Variants in ADGRB3 observed in about 807,000 individuals in gnomAD.
ADGRB3 encodes brain-specific angiogenesis inhibitor 3.
In ADGRB3, 37 loss-of-function variants were observed where a neutral mutation model predicts 193.4. That is an observed-to-expected ratio of 0.19 (90% CI 0.15 to 0.25). The LOEUF is 0.25. ADGRB3 is among the 10% of genes least tolerant of loss of function. The pLI is 1.00. For missense variants in ADGRB3, 1,637 were observed against 1,852.9 expected (o/e 0.88, Z 2.14); for synonymous variants, 690 against 644.2 (o/e 1.07, Z -1.08).
At chr6:68,754,695 T>C (rs768942505) in intron 3 of ADGRB3, among the ~76,000 whole-genome samples, 1 of 151,622 alleles carries the variant, frequency 6.6e-6, no homozygotes, top group Non-Finnish European at 1.5e-5. Flanking sequence ...CTCCATTTAA[T>C]ATGTGCTTAC....
At chr6:69,263,303 A>G (rs539661729) in intron 20 of ADGRB3, among the ~76,000 whole-genome samples, 1 of 152,190 alleles carries the variant, frequency 6.6e-6, no homozygotes, top group South Asian at 2.1e-4. Context: ...TTCATATACT[A>G]TATTTCAGAT....
At chr6:68,840,107 A>C (rs1213033293) in intron 3 of ADGRB3, among the ~76,000 whole-genome samples, 1 of 152,148 alleles carries the variant, frequency 6.6e-6, no homozygotes, top group African/African-American at 2.4e-5. Context: ...GGGATTCTAA[A>C]TAAAATTGAA....
intron 17 of ADGRB3, among the ~76,000 whole-genome samples, chr6:69,202,665 T>G (rs1302939756): frequency 1.3e-5 from 2 of 152,242 alleles, no homozygotes; most frequent in East Asian, 3.9e-4. Flanking sequence ...CCACAGATAG[T>G]TGAGGGTTGA....
intron 3 of ADGRB3, among the ~76,000 whole-genome samples, chr6:68,895,461 T>C (rs1413411025): frequency 9.2e-5 from 14 of 152,040 alleles, no homozygotes; most frequent in African/African-American, 2.7e-4. Context: ...CAAATCTGTT[T>C]GTGCACTATT....
At chr6:69,232,471 C>A in intron 17 of ADGRB3, 1 of 1,531,768 alleles carries the variant, frequency 6.5e-7, no homozygotes. Flanking sequence ...TTCCCTACTC[C>A]TACTGGACTT....
At chr6:69,293,032 C>T (rs149198840) in intron 20 of ADGRB3, among the ~76,000 whole-genome samples, 66 of 152,278 alleles carry the variant, frequency 4.3e-4, no homozygotes, top group African/African-American at 1.5e-3. Flanking sequence ...GGCAGCTCCC[C>T]ACCATGGGTC....
Position 68,815,638 on chromosome 6 carries a change from T to TGTGTGTGTGG in ADGRB3, c.758-114918_758-114917insTGTGTGGGTG, listed in dbSNP as rs146536913. Among the ~76,000 whole-genome samples the TGTGTGTGTGG allele has an allele frequency of 1.5e-3, 218 of 149,518 alleles. 2 individuals are homozygous for TGTGTGTGTGG. The highest frequency in any genetic ancestry group is 3.4e-3 in the Middle Eastern group (1 of 292). On this transcript the variant is annotated intron_variant, in intron 3 of 31. Transcript: ENST00000370598. ...GTGTGTGTGTGTGTGTGTGTGTGTG[T>TGTGTGTGTGG]GTGCATGTAGATCTCATTTGATGTA...
chr6:69,040,345 C>CTTTCTTTCTTTCTT, intron 13 of ADGRB3, among the ~76,000 whole-genome samples: 1 of 52,024 alleles, frequency 1.9e-5, no homozygotes, highest in East Asian at 1.4e-3. Context: ...TTCTTTCTTT[C>CTTTCTTTCTTTCTT]TTTCTTTCTT....
At position 69,046,577 on chromosome 6, in the gene ADGRB3, CTTTT is replaced by C. The variant is rs549600992; in HGVS notation, c.2108-1607_2108-1604del. 3.1e-4 allele frequency among the ~76,000 whole-genome samples: 47 copies of C among 152,246 alleles called. 1 individual carries two copies. In the East Asian group the frequency reaches 8.5e-3, roughly 28 times the overall value. ...TTATGTGTTACCCAGTATCTTCTTT[CTTTT>C]AACATTACTTACAAAGTACTTTTTA... On this transcript the variant is annotated intron_variant, in intron 13 of 31. Coordinates refer to ENST00000370598, the MANE Select transcript of ADGRB3 (RefSeq NM_001704.3).
chr6:69,215,513 GATA>G (rs1765757241), intron 17 of ADGRB3, among the ~76,000 whole-genome samples: 1 of 150,534 alleles, frequency 6.6e-6, no homozygotes. Context: ...TATCTCTATA[GATA>G]ATTCAGTCCT....
At chr6:69,183,876 T>A (rs924582733) in intron 17 of ADGRB3, among the ~76,000 whole-genome samples, 1 of 152,106 alleles carries the variant, frequency 6.6e-6, no homozygotes, top group Non-Finnish European at 1.5e-5. Flanking sequence ...TTCCGGGACA[T>A]GGACAATGCA....
chr6:68,695,977 C>T (rs981975590), intron 3 of ADGRB3, among the ~76,000 whole-genome samples: 2 of 151,934 alleles, frequency 1.3e-5, no homozygotes, highest in Non-Finnish European at 2.9e-5. Context: ...ATTTTCTTAG[C>T]GCCTTCCTGT....
At chr6:69,055,505 G>A (rs1238225311) in intron 15 of ADGRB3, among the ~76,000 whole-genome samples, 2 of 151,944 alleles carry the variant, frequency 1.3e-5, no homozygotes, top group African/African-American at 4.8e-5. Context: ...CATTGTTTAT[G>A]TATATACCAC....
At chr6:68,888,624 A>G (rs1765981462) in intron 3 of ADGRB3, among the ~76,000 whole-genome samples, 1 of 152,038 alleles carries the variant, frequency 6.6e-6, no homozygotes, top group Non-Finnish European at 1.5e-5. Flanking sequence ...AGAGATTGGT[A>G]ACAAATATAT....
intron 6 of ADGRB3, among the ~76,000 whole-genome samples, chr6:68,950,083 T>A (rs1767875132): frequency 6.6e-6 from 1 of 152,046 alleles, no homozygotes; most frequent in African/African-American, 2.4e-5. Context: ...AGAGACAGGG[T>A]CTTGCTCTGT....
At chr6:68,752,997 G>A (rs1438789917) in intron 3 of ADGRB3, among the ~76,000 whole-genome samples, 1 of 152,144 alleles carries the variant, frequency 6.6e-6, no homozygotes, top group Non-Finnish European at 1.5e-5. Flanking sequence ...AAGCATTTGA[G>A]GTAGGGTACA....
intron 3 of ADGRB3, among the ~76,000 whole-genome samples, chr6:68,748,667 T>G (rs934980645): frequency 5.9e-5 from 9 of 152,116 alleles, no homozygotes; most frequent in African/African-American, 1.9e-4. Context: ...AAGGAGTCAG[T>G]GGATCTACCA....
At chr6:69,355,748 T>A in intron 27 of ADGRB3, 73 bp from the exon 28 acceptor site, 1 of 1,219,854 alleles carries the variant, frequency 8.2e-7, no homozygotes, top group South Asian at 1.3e-5. Flanking sequence ...AAACTTCAGA[T>A]AATCTGATTA....
intron 3 of ADGRB3, among the ~76,000 whole-genome samples, chr6:68,888,403 G>A (rs1765972834): frequency 6.6e-6 from 1 of 152,084 alleles, no homozygotes; most frequent in Non-Finnish European, 1.5e-5. Flanking sequence ...GGAAGAGAGA[G>A]AAATCACAAG....
Sources: gnomAD v4.1 joint callset for allele counts (sites outside exome capture counted in the v4.1 genomes callset) on GRCh38, gnomAD v4.1.1 for gene constraint, MANE v1.5 for transcripts, NCBI Gene and HGNC (gene_info 2026-07-23, HGNC 2026-07-21) for gene names.